The following ADCK1 variants were observed in gnomAD, a reference collection of about 807,000 sequenced individuals.
ADCK1 encodes the protein aarF domain-containing protein kinase 1.
A neutral mutation model predicts 52.3 loss-of-function variants in ADCK1; 41 were observed. The observed-to-expected ratio is 0.78, with a 90% confidence interval of 0.61 to 1.02. The LOEUF (loss-of-function observed/expected upper bound fraction) is 1.02, where lower values mean the gene tolerates loss of function less well. Among genes scored for constraint, ADCK1 ranks in the 50% least tolerant of loss-of-function variants. The pLI, the probability that ADCK1 is intolerant of heterozygous loss-of-function variation, is 0.00. For missense variants in ADCK1, 658 were observed against 679.5 expected (o/e 0.97, Z 0.35); for synonymous variants, 250 against 274.6 (o/e 0.91, Z 0.89).
At chr14:77,911,326 A>C (rs2083786627) in intron 7 of ADCK1, among the ~76,000 whole-genome samples, 2 of 152,256 alleles carry the variant, frequency 1.3e-5, no homozygotes, top group South Asian at 2.1e-4. Context: ...GGTTGGTGCA[A>C]AGGTAAATGT....
intron 4 of ADCK1, among the ~76,000 whole-genome samples, chr14:77,876,884 G>T (rs2082912133): frequency 6.6e-6 from 1 of 152,186 alleles, no homozygotes; most frequent in Non-Finnish European, 1.5e-5. Flanking sequence ...AGTGAATCCA[G>T]AAAGCTTTTT....
intron 6 of ADCK1, among the ~76,000 whole-genome samples, chr14:77,907,585 A>G (rs2083694566): frequency 6.6e-6 from 1 of 152,222 alleles, no homozygotes; most frequent in Non-Finnish European, 1.5e-5. Flanking sequence ...CGGTATCTAA[A>G]GGAGTGGGCG....
At chr14:77,847,894 T>G (rs548613041) in intron 3 of ADCK1, among the ~76,000 whole-genome samples, 14 of 152,192 alleles carry the variant, frequency 9.2e-5, no homozygotes, top group Non-Finnish European at 2.1e-4. Flanking sequence ...ACTGGAACAG[T>G]TCCCGGGAGC....
At chr14:77,930,171 A>G (rs143271077) in intron 9 of ADCK1, among the ~76,000 whole-genome samples, 209 of 152,108 alleles carry the variant, frequency 1.4e-3, no homozygotes, top group African/African-American at 4.7e-3. Context: ...GGGGACTTGT[A>G]GCTGTGGCCA....
intron 3 of ADCK1, among the ~76,000 whole-genome samples, chr14:77,852,589 A>G (rs2082306017): frequency 2.4e-5 from 3 of 126,792 alleles, no homozygotes; most frequent in African/African-American, 8.4e-5. Flanking sequence ...AGGTCCTTGA[A>G]TTTATTAGTT....
At chr14:77,874,785 A>T (rs1002454161) in intron 4 of ADCK1, among the ~76,000 whole-genome samples, 16 of 152,158 alleles carry the variant, frequency 1.1e-4, no homozygotes, top group Non-Finnish European at 1.3e-4. Context: ...GCAGCTGTTA[A>T]ATGTGTGAGG....
chr14:77,822,302 G>A (rs955931817), intron 2 of ADCK1, 133 bp from the exon 3 acceptor site: 28 of 685,334 alleles, frequency 4.1e-5, no homozygotes, highest in African/African-American at 7.1e-5. Flanking sequence ...CAGGGGCCAG[G>A]CATCTTAGGG....
intron 1 of ADCK1, among the ~76,000 whole-genome samples, chr14:77,802,679 G>C (rs1001240351): frequency 6.6e-6 from 1 of 152,118 alleles, no homozygotes; most frequent in Non-Finnish European, 1.5e-5. Flanking sequence ...AGCCGGGCGC[G>C]GTGGCTCACG....
intron 6 of ADCK1, among the ~76,000 whole-genome samples, chr14:77,904,742 C>T (rs1275256282): frequency 6.6e-6 from 1 of 152,154 alleles, no homozygotes; most frequent in African/African-American, 2.4e-5. Context: ...AGAACCTGGA[C>T]CCAGGGGTCC....
At chr14:77,882,437 G>A (rs73313131) in intron 4 of ADCK1, among the ~76,000 whole-genome samples, 4 of 152,220 alleles carry the variant, frequency 2.6e-5, no homozygotes, top group African/African-American at 9.6e-5. Context: ...CAGACATTTC[G>A]GTGTTTGTGA....
chr14:77,852,739 A>G (rs2082326633), intron 3 of ADCK1, among the ~76,000 whole-genome samples: 2 of 130,768 alleles, frequency 1.5e-5, no homozygotes, highest in East Asian at 2.2e-4. Context: ...GGGGACTTCA[A>G]CTACATATTT....
At chr14:77,861,836 T>C (rs979733292) in intron 4 of ADCK1, among the ~76,000 whole-genome samples, 1 of 151,676 alleles carries the variant, frequency 6.6e-6, no homozygotes, top group Non-Finnish European at 1.5e-5. Context: ...GGTGTGGGGG[T>C]AAGATTGAGG....
chr14:77,916,162 C>T (rs1043890860), intron 7 of ADCK1, among the ~76,000 whole-genome samples: 2 of 152,226 alleles, frequency 1.3e-5, no homozygotes, highest in Non-Finnish European at 2.9e-5. Context: ...TTGTCCAAGG[C>T]CAGAGATGCC....
intron 4 of ADCK1, 93 bp from the exon 5 acceptor site, chr14:77,886,998 A>T: frequency 7.3e-7 from 1 of 1,372,518 alleles, no homozygotes; most frequent in Non-Finnish European, 9.7e-7. Context: ...TCCTGGGGGC[A>T]CTAGGCAGCC....
At chr14:77,854,953 GC>G (rs555828842) in intron 3 of ADCK1, among the ~76,000 whole-genome samples, 320 of 152,278 alleles carry the variant, frequency 2.1e-3, no homozygotes, top group Admixed American at 3.7e-3. Context: ...CTATTCTTCT[GC>G]CCTAATTGCC....
At chr14:77,881,965 A>T (rs1366432793) in intron 4 of ADCK1, among the ~76,000 whole-genome samples, 12 of 152,206 alleles carry the variant, frequency 7.9e-5, no homozygotes, top group African/African-American at 2.9e-4. Flanking sequence ...ATTGGCTGAT[A>T]GGGCAATGAC....
chr14:77,870,878 C>A (rs985809152), intron 4 of ADCK1, among the ~76,000 whole-genome samples: 12 of 152,196 alleles, frequency 7.9e-5, no homozygotes, highest in Admixed American at 6.5e-4. Context: ...GTCTCCCCTG[C>A]AGGCCACTCA....
At position 77,852,899 on chromosome 14, in the gene ADCK1, ATATATATATTTTTTTTTTTTTT is replaced by A. The variant is rs2082335516; in HGVS notation, c.220-6175_220-6154del. Among the ~76,000 whole-genome samples the A allele has an allele frequency of 6.0e-5, 2 of 33,468 alleles. 1 individual carries two copies. Among genetic ancestry groups the A allele is most frequent in the African/African-American group, 3.1e-4 (2 of 6,456 alleles). The allele number at this position is 33,468 out of a possible 152,430, so 22.0% of individuals were successfully genotyped here. On this transcript the variant is annotated intron_variant, in intron 3 of 10. Transcript: ENST00000238561. ...TTTATGTGTGTATATATATATATAT[ATATATATATTTTTTTTTTTTTT>A]TTTTTTTTTTAGAGACAGGGTCTTG...
chr14:77,810,745 A>G (rs1408272569), intron 1 of ADCK1, among the ~76,000 whole-genome samples: 2 of 151,892 alleles, frequency 1.3e-5, no homozygotes, highest in Non-Finnish European at 2.9e-5. Flanking sequence ...GTTAGCCAGG[A>G]TGGTCTCGAT....
Sources: allele counts gnomAD v4.1 joint callset (sites outside exome capture counted in the v4.1 genomes callset), GRCh38; gene constraint gnomAD v4.1.1; transcripts MANE v1.5; gene names NCBI Gene and HGNC (gene_info 2026-07-23, HGNC 2026-07-21).